Variants in TBC1D5 observed in about 807,000 individuals in gnomAD.
TBC1D5 encodes the protein TBC1 domain family, member 5.
A neutral mutation model predicts 100.3 loss-of-function variants in TBC1D5; 75 were observed. The observed-to-expected ratio is 0.75, with a 90% CI of 0.62 to 0.91. The LOEUF (loss-of-function observed/expected upper bound fraction) is 0.91, where lower values mean the gene tolerates loss of function less well. Ranked by LOEUF, TBC1D5 falls within the 40% of genes least tolerant of loss-of-function variation. The probability of loss-of-function intolerance (pLI) is 0.00; values close to 1 mark genes in which losing one functional copy is unlikely to be tolerated. For synonymous variants in TBC1D5, 323 were observed against 325.6 expected (o/e 0.99, Z 0.09); for missense variants, 910 against 942.4 (o/e 0.97, Z 0.45).
intron 4 of TBC1D5, among the ~76,000 whole-genome samples, chr3:17,409,268 G>A (rs965667912): frequency 1.3e-5 from 2 of 152,094 alleles, no homozygotes; most frequent in Non-Finnish European, 2.9e-5. Flanking sequence ...TGTGATCAGT[G>A]ATCTCTGATG....
intron 14 of TBC1D5, among the ~76,000 whole-genome samples, chr3:17,299,793 A>C (rs2082637561): frequency 7.4e-6 from 1 of 134,634 alleles, no homozygotes; most frequent in African/African-American, 2.8e-5. Flanking sequence ...CGGGAGGCGG[A>C]GCTTGCAGTG....
intron 15 of TBC1D5, among the ~76,000 whole-genome samples, chr3:17,284,114 ACACACACACG>A (rs1416067657): frequency 1.2e-4 from 18 of 151,400 alleles, no homozygotes; most frequent in Non-Finnish European, 1.2e-4. Context: ...ACACACACAC[ACACACACACG>A]TATTTTTAAT....
At chr3:17,647,897 T>C (rs1433664677) in intron 1 of TBC1D5, among the ~76,000 whole-genome samples, 5 of 152,078 alleles carry the variant, frequency 3.3e-5, no homozygotes, top group Non-Finnish European at 5.9e-5. Context: ...GTGACAATGG[T>C]GTCTTGAAAT....
intron 13 of TBC1D5, among the ~76,000 whole-genome samples, chr3:17,341,178 TG>T (rs1281978432): frequency 1.3e-5 from 2 of 152,186 alleles, no homozygotes; most frequent in Non-Finnish European, 2.9e-5. Context: ...GCACTTTACA[TG>T]TAGCTCTTTA....
chr3:17,306,084 A>G (rs1025709982), intron 14 of TBC1D5, among the ~76,000 whole-genome samples: 5 of 150,620 alleles, frequency 3.3e-5, no homozygotes, highest in African/African-American at 1.2e-4. Context: ...ACACATTAAT[A>G]TATACATCCC....
intron 1 of TBC1D5, among the ~76,000 whole-genome samples, chr3:17,701,220 A>G (rs887709032): frequency 6.6e-6 from 1 of 152,152 alleles, no homozygotes; most frequent in Non-Finnish European, 1.5e-5. Flanking sequence ...TCAGCAAACT[A>G]TCACAAGGAC....
At chr3:17,559,151 CT>C (rs71950189) in intron 2 of TBC1D5, among the ~76,000 whole-genome samples, 14,910 of 148,572 alleles carry the variant, frequency 0.1, 826 homozygotes, top group African/African-American at 0.15. Flanking sequence ...AAATGTAAAA[CT>C]TTTTTTTTTA....
chr3:17,643,351 G>C (rs997978850), intron 1 of TBC1D5, among the ~76,000 whole-genome samples: 2 of 151,946 alleles, frequency 1.3e-5, no homozygotes, highest in African/African-American at 4.8e-5. Context: ...TCATCACTTA[G>C]TGTCTATCAG....
At chr3:17,215,856 C>T (rs773180906) in intron 17 of TBC1D5, among the ~76,000 whole-genome samples, 24 of 152,104 alleles carry the variant, frequency 1.6e-4, no homozygotes, top group Non-Finnish European at 1.6e-4. Context: ...AAAGTTGTTA[C>T]AATATAGTTA....
chr3:17,714,998 A>T (rs1361965732), intron 1 of TBC1D5, among the ~76,000 whole-genome samples: 2 of 152,228 alleles, frequency 1.3e-5, no homozygotes, highest in Admixed American at 1.3e-4. Flanking sequence ...TGTGCAAAGG[A>T]AGGAAGGAAG....
chr3:17,511,928 A>C (rs1471968296), intron 2 of TBC1D5, among the ~76,000 whole-genome samples: 1 of 152,042 alleles, frequency 6.6e-6, no homozygotes, highest in Non-Finnish European at 1.5e-5. Flanking sequence ...CGTGTGGATA[A>C]TGTTCATAGT....
intron 3 of TBC1D5, among the ~76,000 whole-genome samples, chr3:17,485,272 G>C (rs1328378755): frequency 6.6e-6 from 1 of 150,758 alleles, no homozygotes; most frequent in Admixed American, 6.6e-5. Flanking sequence ...TTTAAAGATA[G>C]AATTTTTTTA....
intron 19 of TBC1D5, among the ~76,000 whole-genome samples, chr3:17,177,838 AC>A (rs1256624422): frequency 6.6e-6 from 1 of 152,194 alleles, no homozygotes; most frequent in East Asian, 1.9e-4. Context: ...TAATAATCAC[AC>A]CAGGGTGAAT....
intron 1 of TBC1D5, among the ~76,000 whole-genome samples, chr3:17,720,569 A>G (rs555979299): frequency 4.6e-5 from 7 of 152,252 alleles, no homozygotes; most frequent in African/African-American, 1.7e-4. Context: ...TACTTTGGGA[A>G]GGCAAGGTAG....
At chr3:17,730,979 T>C (rs1577871587) in intron 1 of TBC1D5, among the ~76,000 whole-genome samples, 1 of 152,018 alleles carries the variant, frequency 6.6e-6, no homozygotes, top group African/African-American at 2.4e-5. Context: ...AATATTATAG[T>C]ATAGAGTATT....
At chr3:17,735,458 G>A (rs1560586213) in intron 1 of TBC1D5, among the ~76,000 whole-genome samples, 1 of 152,068 alleles carries the variant, frequency 6.6e-6, no homozygotes, top group Non-Finnish European at 1.5e-5. Context: ...GTTATGAGTG[G>A]GTCTTTGTTC....
chr3:17,406,567 A>C, intron 4 of TBC1D5, 41 bp from the exon 5 acceptor site: 1 of 1,563,198 alleles, frequency 6.4e-7, no homozygotes, highest in Non-Finnish European at 8.7e-7. Flanking sequence ...CTTTTGTTAA[A>C]ATTCCTCTGC....
chr3:17,363,447 C>T (rs1046358990), intron 13 of TBC1D5, among the ~76,000 whole-genome samples: 17 of 151,758 alleles, frequency 1.1e-4, no homozygotes, highest in Non-Finnish European at 2.1e-4. Context: ...TTGTATATTT[C>T]TTTCCTTTTT....
chr3:17,162,349 T>C (rs556473187), intron 21 of TBC1D5, among the ~76,000 whole-genome samples: 2 of 152,350 alleles, frequency 1.3e-5, no homozygotes, highest in African/African-American at 4.8e-5. Flanking sequence ...AGAAGGGGAA[T>C]GAGTAACAGC....
Sources: allele counts gnomAD v4.1 joint callset (sites outside exome capture counted in the v4.1 genomes callset), GRCh38; gene constraint gnomAD v4.1.1; transcripts MANE v1.5; gene names NCBI Gene and HGNC (gene_info 2026-07-23, HGNC 2026-07-21).